The following FANCA variants were observed in gnomAD, a reference collection of about 807,000 sequenced individuals.
FANCA encodes FA complementation group A, also known as Fanconi anemia group A protein.
In FANCA, 236 loss-of-function variants were observed where a neutral mutation model predicts 194.3. The ratio of observed to expected loss-of-function variants is 1.21; its 90% confidence interval spans 1.09 to 1.35. FANCA has a LOEUF of 1.35. Ranked by LOEUF, FANCA falls within the 40% of genes most tolerant of loss-of-function variation. FANCA has a pLI of 0.00. For missense variants in FANCA, 2,628 were observed against 1,813.9 expected (o/e 1.45, Z -8.15); for synonymous variants, 1,014 against 715.8 (o/e 1.42, Z -6.65).
chr16:89,773,517 G>A (rs2039395942), intron 21 of FANCA, 133 bp from the exon 22 acceptor site: 6 of 714,778 alleles, frequency 8.4e-6, no homozygotes, highest in African/African-American at 5.2e-5. Context: ...GGAGGGACTG[G>A]GAGTCTCTGA....
At chr16:89,744,309 G>T (rs17233651) in intron 36 of FANCA, among the ~76,000 whole-genome samples, 10,234 of 152,208 alleles carry the variant, frequency 0.067, 857 homozygotes, top group African/African-American at 0.2. Context: ...GGCAGGATGG[G>T]TACTAGCAGT....
chr16:89,804,328 G>T (rs2040558525), intron 7 of FANCA, among the ~76,000 whole-genome samples: 1 of 152,134 alleles, frequency 6.6e-6, no homozygotes, highest in Non-Finnish European at 1.5e-5. Flanking sequence ...GAGAGGATCT[G>T]AGAACTCACC....
intron 30 of FANCA, among the ~76,000 whole-genome samples, chr16:89,755,978 C>T (rs1411788823): frequency 2.6e-5 from 4 of 152,162 alleles, no homozygotes; most frequent in African/African-American, 9.7e-5. Flanking sequence ...CCCACCGCTC[C>T]CAGGCTATAA....
intron 17 of FANCA, among the ~76,000 whole-genome samples, chr16:89,782,238 G>C (rs1228366845): frequency 6.7e-6 from 1 of 150,226 alleles, no homozygotes; most frequent in Non-Finnish European, 1.5e-5. Context: ...TTAGCCAGGC[G>C]TGGTGGCGGG....
At position 89,748,630 on chromosome 16, in the gene FANCA, G is replaced by A. The variant is rs1800348; in HGVS notation, c.3348+29C>T. On this transcript the variant is annotated intron_variant, in intron 33 of 42. Coordinates refer to ENST00000389301, the MANE Select transcript of FANCA (RefSeq NM_000135.4). ...TTAGCGCCACAGGCACTGACAGATCGGACGGACACGTGCACACGGGGCACC... is the reference window on the plus strand; with the variant it reads ...TTAGCGCCACAGGCACTGACAGATCAGACGGACACGTGCACACGGGGCACC... 5,786 of 1,551,810 alleles carry A rather than the reference G, an allele frequency of 3.7e-3. 32 individuals carry two copies. The highest frequency in any genetic ancestry group is 0.037 in the Middle Eastern group (220 of 5,958).
At chr16:89,745,151 A>T in intron 35 of FANCA, 80 bp from the exon 36 acceptor site, 1 of 1,368,702 alleles carries the variant, frequency 7.3e-7, no homozygotes, top group Non-Finnish European at 1.0e-6. Flanking sequence ...ACAAGCCCCC[A>T]GTGCTCCTAC....
chr16:89,804,351 C>G (rs759044315), intron 7 of FANCA, among the ~76,000 whole-genome samples: 1 of 152,136 alleles, frequency 6.6e-6, no homozygotes, highest in South Asian at 2.1e-4. Context: ...GGAAAAGAGT[C>G]TCATCACTCA....
Position 89,816,617 on chromosome 16 carries a change from G to A in FANCA, c.-2C>T, listed in dbSNP as rs770599933. ...GTTCGGGACCCACGAGTCGGACATG[G>A]CCTTGGCGCCTACAGCCCCGGCGGC... On this transcript the variant is annotated 5_prime_UTR_variant, in exon 1 of 43. Transcript: ENST00000389301. 20 of 1,522,644 alleles carry A rather than the reference G, an allele frequency of 1.3e-5. No homozygotes were observed. The highest frequency in any genetic ancestry group is 1.4e-5 in the African/African-American group (1 of 70,402). 94.3% of individuals were successfully genotyped at this position (1,522,644 alleles called of 1,614,324 possible). A position where few individuals can be genotyped will look rare whatever the true frequency, so the allele number is the denominator to read the frequency against.
chr16:89,771,564 G>C lies in FANCA; in HGVS notation c.2151+114C>G, dbSNP rs17226589. The C allele has an allele frequency of 9.2e-5, 115 of 1,246,638 alleles. No individual in the cohort carries two copies. In the African/African-American group the frequency reaches 1.3e-3, roughly 14 times the overall value. 77.2% of individuals were successfully genotyped at this position (1,246,638 alleles called of 1,614,324 possible). On this transcript the variant is annotated intron_variant, in intron 23 of 42. Coordinates refer to ENST00000389301, the MANE Select transcript of FANCA (RefSeq NM_000135.4). The stretch of plus-strand genomic sequence containing the variant: ...TGCCTGGCCCTGGAACATCTGATAC[G>C]ACACTAACTGAGCAAGTCAAACAGA...
chr16:89,738,464 T>G lies in FANCA; in HGVS notation c.*137A>C. 3 of 1,450,106 alleles carry G rather than the reference T, an allele frequency of 2.1e-6. No individual in the cohort carries two copies. Among genetic ancestry groups the G allele is most frequent in the Non-Finnish European group, 2.8e-6 (3 of 1,056,328 alleles). The allele number at this position is 1,450,106 out of a possible 1,614,324, so 89.8% of individuals were successfully genotyped here. ...GAGTGACTCGGGGCCGGACAGTTCATAAATAATTGATTCCTTTCCCCACTA... is the reference window on the plus strand; with the variant it reads ...GAGTGACTCGGGGCCGGACAGTTCAGAAATAATTGATTCCTTTCCCCACTA... On this transcript the variant is annotated 3_prime_UTR_variant, in exon 43 of 43. Coordinates refer to ENST00000389301, the MANE Select transcript of FANCA (RefSeq NM_000135.4).
chr16:89,756,985 C>T (rs7191144), intron 30 of FANCA, among the ~76,000 whole-genome samples: 99,687 of 152,044 alleles, frequency 0.66, 33,516 homozygotes, highest in East Asian at 0.99. Flanking sequence ...GGAAGATTTG[C>T]TTTTTTGTTT....
chr16:89,814,279 G>C (rs1274741306), intron 3 of FANCA, among the ~76,000 whole-genome samples: 1 of 152,138 alleles, frequency 6.6e-6, no homozygotes, highest in Non-Finnish European at 1.5e-5. Context: ...GTTTTTCCAA[G>C]GGACACTCTG....
chr16:89,753,565 A>T (rs1402507859), intron 30 of FANCA, among the ~76,000 whole-genome samples: 1 of 152,240 alleles, frequency 6.6e-6, no homozygotes, highest in African/African-American at 2.4e-5. Flanking sequence ...ACTTGACGAA[A>T]TGTGACATCC....
chr16:89,759,056 C>T (rs17233364), intron 29 of FANCA, among the ~76,000 whole-genome samples: 18,385 of 152,086 alleles, frequency 0.12, 1,439 homozygotes, highest in Middle Eastern at 0.29. Context: ...TGCAGTGGCT[C>T]ATGCCTGTAA....
chr16:89,791,812 C>T (rs989663403), intron 13 of FANCA, 115 bp downstream of exon 13: 32 of 1,364,502 alleles, frequency 2.3e-5, no homozygotes, highest in Middle Eastern at 4.9e-4. Flanking sequence ...CTGCAGGTTC[C>T]GGGCAGGTAG....
At position 89,782,703 on chromosome 16, in the gene FANCA, C is replaced by G. The variant is rs535974400; in HGVS notation, c.1626+156G>C. Among the ~76,000 whole-genome samples, 3 of 152,296 alleles carry G rather than the reference C, an allele frequency of 2.0e-5. No individual in the cohort carries two copies. The South Asian group carries it at 6.2e-4, about 32-fold the overall frequency. On this transcript the variant is annotated intron_variant, in intron 17 of 42. Transcript: ENST00000389301. ...ACACACAAGGTGGGACACAGCAACA[C>G]AGAGGCCCGCAGAGCCTCGCCCCCA... is the stretch of plus-strand genomic sequence containing the variant.
At chr16:89,810,322 CA>C (rs71391246) in intron 5 of FANCA, among the ~76,000 whole-genome samples, 23,724 of 84,776 alleles carry the variant, frequency 0.28, 1,851 homozygotes, top group Middle Eastern at 0.54. Flanking sequence ...GACTTCGTCT[CA>C]AAAAAAAAAA....
rs532397437 is a variant in FANCA at position 89,780,107 on chromosome 16, G to A, written c.1627-150C>T. ...CCCACATGCTGTGCGCACAGCAGGG[G>A]CCCTGGAGCACTCCAAAATGTCCCA... On this transcript the variant is annotated intron_variant, in intron 17 of 42. Transcript: ENST00000389301. The A allele has an allele frequency of 5.4e-6, 4 of 746,456 alleles. No individual in the cohort carries two copies. The East Asian group carries it at 8.0e-5, about 15-fold the overall frequency. 46.2% of individuals were successfully genotyped at this position (746,456 alleles called of 1,614,324 possible).
chr16:89,804,547 C>G (rs1004555318), intron 7 of FANCA, among the ~76,000 whole-genome samples: 1 of 152,154 alleles, frequency 6.6e-6, no homozygotes, highest in Non-Finnish European at 1.5e-5. Flanking sequence ...ACTCCTCAAG[C>G]TGGACTCTGG....
Sources: gnomAD v4.1 joint callset for allele counts (sites outside exome capture counted in the v4.1 genomes callset) on GRCh38, gnomAD v4.1.1 for gene constraint, MANE v1.5 for transcripts, NCBI Gene and HGNC (gene_info 2026-07-23, HGNC 2026-07-21) for gene names.